Variants in LYZL4 observed in about 807,000 individuals in gnomAD.
The protein encoded by LYZL4 is lysozyme-like protein 4.
LYZL4 carries 13 observed loss-of-function variants against 17.6 expected under a neutral mutation model. The ratio of observed to expected loss-of-function variants is 0.74; its 90% CI spans 0.48 to 1.18. LYZL4 has a LOEUF of 1.18. Among genes scored for constraint, LYZL4 ranks in the 50% most tolerant of loss-of-function variants. The probability of loss-of-function intolerance (pLI) is 0.00; values close to 1 mark genes in which losing one functional copy is unlikely to be tolerated. For missense variants in LYZL4, 174 were observed against 188.2 expected (o/e 0.92, Z 0.44); for synonymous variants, 64 against 67.7 (o/e 0.95, Z 0.27).
the LYZL4 span, among the ~76,000 whole-genome samples, chr3:42,369,817 C>T: frequency 2.6e-5 from 4 of 152,210 alleles, no homozygotes; most frequent in Non-Finnish European, 5.9e-5. Flanking sequence ...GGCCACAAGG[C>T]TTGAGGCTTC....
intron 4 of LYZL4, among the ~76,000 whole-genome samples, chr3:42,403,227 T>C (rs916397379): frequency 6.7e-6 from 1 of 149,910 alleles, no homozygotes; most frequent in Non-Finnish European, 1.5e-5. Flanking sequence ...TGGGATATGA[T>C]AAAAGACAAA....
chr3:42,360,866 G>A, the LYZL4 span, among the ~76,000 whole-genome samples: 1 of 151,602 alleles, frequency 6.6e-6, no homozygotes, highest in African/African-American at 2.4e-5. Context: ...TTCTTTTCTC[G>A]TCATATCTGT....
chr3:42,383,455 AAAC>A, the LYZL4 span, among the ~76,000 whole-genome samples: 1 of 151,926 alleles, frequency 6.6e-6, no homozygotes, highest in African/African-American at 2.4e-5. Flanking sequence ...AAAAAAAAAA[AAAC>A]CAACCTTATT....
At position 42,397,155 on chromosome 3, in the gene LYZL4, G is replaced by T; in HGVS notation, c.*110C>A. 1 of 769,258 alleles carries T rather than the reference G, an allele frequency of 1.3e-6. No homozygotes were observed. Among genetic ancestry groups the T allele is most frequent in the Non-Finnish European group, 2.1e-6 (1 of 477,962 alleles). The allele number at this position is 769,258 out of a possible 1,614,324, so 47.7% of individuals were successfully genotyped here. A position where few individuals can be genotyped will look rare whatever the true frequency, so the allele number is the denominator to read the frequency against. On this transcript the variant is annotated 3_prime_UTR_variant, in exon 5 of 5. Coordinates refer to ENST00000287748, the MANE Select transcript of LYZL4 (RefSeq NM_144634.4). ...GCAAACTTTTGTCTTTTTCCATCTG[G>T]AACTCTTAAAGTGGTGAGATCATCA...
At chr3:42,367,934 T>A in the LYZL4 span, among the ~76,000 whole-genome samples, 1 of 152,224 alleles carries the variant, frequency 6.6e-6, no homozygotes, top group African/African-American at 2.4e-5. Flanking sequence ...TAACAGTGGC[T>A]GATATTTCTT....
downstream of LYZL4, among the ~76,000 whole-genome samples, chr3:42,396,600 G>C (rs916511120): frequency 6.6e-6 from 1 of 152,162 alleles, no homozygotes; most frequent in South Asian, 2.1e-4. Context: ...ACAGAAAAAA[G>C]ATCAGCAGGA....
At chr3:42,395,955 G>A (rs62247328), downstream of LYZL4, among the ~76,000 whole-genome samples, 5,058 of 152,108 alleles carry the variant, frequency 0.033, 133 homozygotes, top group African/African-American at 0.067. Context: ...CCAGCTACTC[G>A]GGAGGCTGAG....
chr3:42,403,254 T>G (rs1263689597), intron 4 of LYZL4, among the ~76,000 whole-genome samples: 2 of 151,326 alleles, frequency 1.3e-5, no homozygotes, highest in Non-Finnish European at 2.9e-5. Flanking sequence ...TAAGACAAAA[T>G]TATTATCCAC....
At chr3:42,403,594 C>A (rs17074405) in intron 4 of LYZL4, among the ~76,000 whole-genome samples, 8,026 of 152,036 alleles carry the variant, frequency 0.053, 659 homozygotes, top group African/African-American at 0.18. Flanking sequence ...ACCTTTAAAT[C>A]GCAAAAATGT....
At chr3:42,372,506 G>C in the LYZL4 span, among the ~76,000 whole-genome samples, 1 of 152,220 alleles carries the variant, frequency 6.6e-6, no homozygotes, top group Admixed American at 6.5e-5. Context: ...AAGGAAGACA[G>C]TGATGCAGCA....
the LYZL4 span, among the ~76,000 whole-genome samples, chr3:42,382,891 A>G: frequency 6.6e-6 from 1 of 152,114 alleles, no homozygotes; most frequent in Non-Finnish European, 1.5e-5. Flanking sequence ...CCAGCATAGA[A>G]CAGACACAGC....
At position 42,407,119 on chromosome 3, in the gene LYZL4, C is replaced by G; in HGVS notation, c.133G>C (p.Glu45Gln). The stretch of plus-strand genomic sequence containing the variant: ...CTAAGTGGGGCCTACTCACAGTTCT[C>G]AAGGCTATAGCCCTCAAAATAATCC... ...GLDYFEGYSL[E>Q]NWVCLAYFES... The change falls in exon 2 of 5, where the codon GAG becomes CAG. Residue 45 changes from glutamate to glutamine, a missense_variant. Transcript: ENST00000287748. 6.2e-7 allele frequency: 1 copy of G among 1,614,176 alleles called. No homozygotes were observed. Among genetic ancestry groups the G allele is most frequent in the Non-Finnish European group, 8.5e-7 (1 of 1,180,024 alleles).
chr3:42,397,355 G>A (rs750027777), intron 4 of LYZL4, 21 bp from the exon 5 acceptor site: 1 of 1,541,498 alleles, frequency 6.5e-7, no homozygotes, highest in South Asian at 1.2e-5. Context: ...AAGTGAACAG[G>A]AAGGGCTCCT....
chr3:42,404,644 G>C (rs916044220), intron 3 of LYZL4, among the ~76,000 whole-genome samples: 6 of 152,234 alleles, frequency 3.9e-5, no homozygotes, highest in Admixed American at 2.0e-4. Context: ...TTGGATTCTG[G>C]AGAGATAGAG....
At chr3:42,408,128 C>G (rs1424156344) in intron 1 of LYZL4, among the ~76,000 whole-genome samples, 1 of 152,168 alleles carries the variant, frequency 6.6e-6, no homozygotes, top group African/African-American at 2.4e-5. Context: ...TCCAACCCCC[C>G]GGGCCAACTC....
At chr3:42,394,207 A>G (rs1698523429), downstream of LYZL4, among the ~76,000 whole-genome samples, 1 of 152,248 alleles carries the variant, frequency 6.6e-6, no homozygotes, top group African/African-American at 2.4e-5. Context: ...CAGCCTGTGA[A>G]CTGGGCACCA....
At chr3:42,377,400 C>A in the LYZL4 span, among the ~76,000 whole-genome samples, 2 of 152,080 alleles carry the variant, frequency 1.3e-5, no homozygotes. Flanking sequence ...ATCCCCCAAG[C>A]AGTTCTTTGG....
Position 42,406,827 on chromosome 3 carries a change from A to T in LYZL4, c.292+19T>A. 1 of 1,613,314 alleles carries T rather than the reference A, an allele frequency of 6.2e-7. No homozygotes were observed. Among genetic ancestry groups the T allele is most frequent in the Middle Eastern group, 1.6e-4 (1 of 6,062 alleles). On this transcript the variant is annotated intron_variant, in intron 3 of 4. Transcript: ENST00000287748. ...CATAGCCTCCAGTGCCCCCGCACGG[A>T]ATGGAAAGAGGGACTTACCGGAACA...
At chr3:42,372,117 A>C in the LYZL4 span, among the ~76,000 whole-genome samples, 1 of 152,248 alleles carries the variant, frequency 6.6e-6, no homozygotes, top group Non-Finnish European at 1.5e-5. Flanking sequence ...CTGGTCAGCC[A>C]CGTCCATTTC....
Sources: allele counts gnomAD v4.1 joint callset (sites outside exome capture counted in the v4.1 genomes callset), GRCh38; gene constraint gnomAD v4.1.1; transcripts MANE v1.5; gene names NCBI Gene and HGNC (gene_info 2026-07-23, HGNC 2026-07-21).